Variants in DNAJC1 observed in about 807,000 individuals in gnomAD.
DNAJC1 encodes DnaJ heat shock protein family (Hsp40) member C1.
In DNAJC1, 58 loss-of-function variants were observed where a neutral mutation model predicts 76.6. That is an observed-to-expected ratio of 0.76 (90% confidence interval 0.61 to 0.94). DNAJC1 has a LOEUF of 0.94. Among genes scored for constraint, DNAJC1 ranks in the 40% least tolerant of loss-of-function variants. The pLI, the probability that DNAJC1 is intolerant of heterozygous loss-of-function variation, is 0.00. For synonymous variants in DNAJC1, 258 were observed against 267.9 expected, an observed-to-expected ratio of 0.96 and a Z score of 0.36; for missense variants, 689 against 677.3, an observed-to-expected ratio of 1.02 and a Z score of -0.19.
intron 9 of DNAJC1, among the ~76,000 whole-genome samples, chr10:21,773,948 C>T (rs1157803224): frequency 2.0e-5 from 3 of 150,738 alleles, no homozygotes; most frequent in Non-Finnish European, 4.4e-5. Context: ...GAGACCATCC[C>T]GGCTAAAACG....
At chr10:21,961,974 G>C (rs1462890876) in intron 1 of DNAJC1, among the ~76,000 whole-genome samples, 1 of 151,928 alleles carries the variant, frequency 6.6e-6, no homozygotes. Context: ...GCCTGAAATG[G>C]TCCTCCCCCT....
chr10:21,822,054 T>C (rs1313669979), intron 8 of DNAJC1, among the ~76,000 whole-genome samples: 1 of 152,184 alleles, frequency 6.6e-6, no homozygotes, highest in African/African-American at 2.4e-5. Flanking sequence ...ATCATATATG[T>C]ATACTGGAAT....
At chr10:21,910,962 A>T (rs1160448125) in intron 6 of DNAJC1, among the ~76,000 whole-genome samples, 2 of 147,548 alleles carry the variant, frequency 1.4e-5, no homozygotes, top group Non-Finnish European at 3.0e-5. Context: ...GAGAGAGAGA[A>T]AGAAAGAGGG....
intron 3 of DNAJC1, 61 bp downstream of exon 3, chr10:21,928,445 C>A: frequency 1.4e-6 from 2 of 1,407,576 alleles, no homozygotes; most frequent in African/African-American, 1.4e-5. Context: ...AGACTTAATT[C>A]TTTATAAACT....
chr10:21,841,700 C>A (rs1835577500), intron 8 of DNAJC1, among the ~76,000 whole-genome samples: 1 of 152,158 alleles, frequency 6.6e-6, no homozygotes, highest in Non-Finnish European at 1.5e-5. Context: ...TGTGGCGATT[C>A]CTCAGGGATC....
At chr10:21,915,573 G>A (rs917393104) in intron 6 of DNAJC1, among the ~76,000 whole-genome samples, 45 of 152,208 alleles carry the variant, frequency 3.0e-4, no homozygotes, top group African/African-American at 9.4e-4. Context: ...AGGAATTTAC[G>A]CCAAAAGTAA....
chr10:21,844,668 C>T (rs1002725938), intron 8 of DNAJC1, among the ~76,000 whole-genome samples: 1 of 151,948 alleles, frequency 6.6e-6, no homozygotes, highest in African/African-American at 2.4e-5. Context: ...AATAGTCTAC[C>T]CCACCACCAC....
intron 8 of DNAJC1, among the ~76,000 whole-genome samples, chr10:21,878,375 T>C (rs1836221108): frequency 6.6e-6 from 1 of 152,204 alleles, no homozygotes; most frequent in Non-Finnish European, 1.5e-5. Flanking sequence ...TAAATTATTA[T>C]AGTAGTATAG....
At chr10:21,929,988 CTTTT>C (rs1171860466) in intron 1 of DNAJC1, among the ~76,000 whole-genome samples, 2 of 152,004 alleles carry the variant, frequency 1.3e-5, no homozygotes. Flanking sequence ...GGGTTTAAAA[CTTTT>C]TTTGAGACAG....
At chr10:21,848,239 T>C (rs950503982) in intron 8 of DNAJC1, among the ~76,000 whole-genome samples, 6 of 152,166 alleles carry the variant, frequency 3.9e-5, no homozygotes, top group Non-Finnish European at 8.8e-5. Context: ...CATATACTTG[T>C]TGGCCATTTC....
At chr10:21,833,147 T>G (rs926426120) in intron 8 of DNAJC1, among the ~76,000 whole-genome samples, 1 of 152,256 alleles carries the variant, frequency 6.6e-6, no homozygotes, top group South Asian at 2.1e-4. Flanking sequence ...TCTGACCTTT[T>G]CAACTACATG....
chr10:21,931,295 T>C (rs1054527590), intron 1 of DNAJC1, among the ~76,000 whole-genome samples: 2 of 152,280 alleles, frequency 1.3e-5, no homozygotes, highest in South Asian at 2.1e-4. Flanking sequence ...AGCTCTCTTC[T>C]AAGGAACAGG....
intron 1 of DNAJC1, among the ~76,000 whole-genome samples, chr10:21,958,791 C>T (rs1023676221): frequency 2.0e-5 from 3 of 151,776 alleles, no homozygotes; most frequent in East Asian, 1.9e-4. Flanking sequence ...TATATTTAAA[C>T]GTCAGATTTG....
intron 6 of DNAJC1, among the ~76,000 whole-genome samples, chr10:21,908,223 A>T (rs1836788961): frequency 5.6e-5 from 4 of 71,452 alleles, no homozygotes; most frequent in South Asian, 4.0e-4. Flanking sequence ...TATTATATAT[A>T]ATATATATAA....
intron 1 of DNAJC1, among the ~76,000 whole-genome samples, chr10:21,966,687 CTTTTT>C (rs111881136): frequency 1.5e-5 from 2 of 129,980 alleles, no homozygotes. Context: ...TCTTCTTCTT[CTTTTT>C]TTTTTTTTTT....
intron 1 of DNAJC1, among the ~76,000 whole-genome samples, chr10:21,976,068 A>G (rs1357639456): frequency 6.6e-6 from 1 of 152,256 alleles, no homozygotes; most frequent in Non-Finnish European, 1.5e-5. Flanking sequence ...AGCTTTATCT[A>G]TATTACAGTT....
chr10:21,796,601 A>G (rs886555415), intron 9 of DNAJC1, among the ~76,000 whole-genome samples: 35 of 152,078 alleles, frequency 2.3e-4, no homozygotes, highest in African/African-American at 7.5e-4. Context: ...ATCACTGCCA[A>G]CACTTCTTTT....
At chr10:21,774,683 T>A (rs1003453829) in intron 9 of DNAJC1, among the ~76,000 whole-genome samples, 2 of 152,150 alleles carry the variant, frequency 1.3e-5, no homozygotes, top group Non-Finnish European at 2.9e-5. Flanking sequence ...TTCACCATGT[T>A]AGCCAGGATG....
chr10:21,878,259 T>G (rs1324368987), intron 8 of DNAJC1, among the ~76,000 whole-genome samples: 3 of 152,230 alleles, frequency 2.0e-5, no homozygotes, highest in Non-Finnish European at 2.9e-5. Flanking sequence ...GCTATGCAAT[T>G]TACTGGAGAG....
Sources: allele counts gnomAD v4.1 joint callset (sites outside exome capture counted in the v4.1 genomes callset), GRCh38; gene constraint gnomAD v4.1.1; transcripts MANE v1.5; gene names NCBI Gene and HGNC (gene_info 2026-07-23, HGNC 2026-07-21).